Variants in HECW1 observed in about 807,000 individuals in gnomAD.
The protein encoded by HECW1 is HECT, C2 and WW domain containing E3 ubiquitin protein ligase 1.
In HECW1, 61 loss-of-function variants were observed where a neutral mutation model predicts 182.3. The ratio of observed to expected loss-of-function variants is 0.33; its 90% CI spans 0.27 to 0.41. The LOEUF (loss-of-function observed/expected upper bound fraction) is 0.41, where lower values mean the gene tolerates loss of function less well. Ranked by LOEUF, HECW1 falls within the 10% of genes least tolerant of loss-of-function variation. HECW1 has a pLI of 1.00. For missense variants in HECW1, 1,739 were observed against 2,108.9 expected (o/e 0.82, Z 3.44); for synonymous variants, 859 against 832.6 (o/e 1.03, Z -0.55).
chr7:43,454,943 T>C (rs1033312685), intron 12 of HECW1, among the ~76,000 whole-genome samples: 4 of 152,232 alleles, frequency 2.6e-5, no homozygotes, highest in African/African-American at 7.2e-5. Flanking sequence ...ACACTGCTGC[T>C]GTTTCCACAA....
At chr7:43,518,985 C>T (rs1448250081) in intron 24 of HECW1, among the ~76,000 whole-genome samples, 1 of 152,156 alleles carries the variant, frequency 6.6e-6, no homozygotes, top group East Asian at 1.9e-4. Context: ...TTTAAAACCC[C>T]TATACCCTTT....
intron 3 of HECW1, among the ~76,000 whole-genome samples, chr7:43,304,611 C>T (rs1807307679): frequency 6.6e-6 from 1 of 152,118 alleles, no homozygotes; most frequent in Admixed American, 6.5e-5. Context: ...CTGATTCAGC[C>T]TCCTGGGATA....
chr7:43,379,432 A>T (rs1397546199), intron 6 of HECW1, among the ~76,000 whole-genome samples: 3 of 152,122 alleles, frequency 2.0e-5, no homozygotes, highest in Non-Finnish European at 2.9e-5. Flanking sequence ...TCTTGTCTTT[A>T]TGCAGCCTTG....
chr7:43,279,059 G>A (rs1460766689), intron 3 of HECW1, among the ~76,000 whole-genome samples: 1 of 152,168 alleles, frequency 6.6e-6, no homozygotes, highest in Non-Finnish European at 1.5e-5. Context: ...GTGATTGAGA[G>A]CAAGGACAGT....
chr7:43,304,057 C>G (rs115131637), intron 3 of HECW1, among the ~76,000 whole-genome samples: 1 of 152,112 alleles, frequency 6.6e-6, no homozygotes, highest in Non-Finnish European at 1.5e-5. Flanking sequence ...CCTTAACAGT[C>G]GTGACTCAGA....
intron 2 of HECW1, among the ~76,000 whole-genome samples, chr7:43,141,451 A>AGAGTGT (rs1788144209): frequency 6.6e-6 from 1 of 152,084 alleles, no homozygotes; most frequent in Admixed American, 6.6e-5. Context: ...AATGTAGCCA[A>AGAGTGT]GAGTGTTGAC....
chr7:43,149,429 A>C (rs1000306221), intron 2 of HECW1, among the ~76,000 whole-genome samples: 1 of 152,240 alleles, frequency 6.6e-6, no homozygotes, highest in Non-Finnish European at 1.5e-5. Context: ...TGAAATGTCC[A>C]CATCCTGAGA....
intron 3 of HECW1, among the ~76,000 whole-genome samples, chr7:43,295,382 C>T (rs1362307721): frequency 6.6e-6 from 1 of 152,154 alleles, no homozygotes; most frequent in Admixed American, 6.5e-5. Context: ...CAAGACAATT[C>T]CCAGCATGAA....
rs188470231 is a variant in HECW1 at position 43,261,963 on chromosome 7, G to T, written c.27+18031G>T. 6.7e-4 allele frequency among the ~76,000 whole-genome samples: 102 copies of T among 152,176 alleles called. 3 individuals are homozygous for T. The East Asian group carries it at 0.019, about 29-fold the overall frequency. ...TGGTCCAGTGCAGTGGTTTATGCCTGTAATCCCAGCTCTGTGTGAAGCCAA... is the reference window on the plus strand; with the variant it reads ...TGGTCCAGTGCAGTGGTTTATGCCTTTAATCCCAGCTCTGTGTGAAGCCAA... On this transcript the variant is annotated intron_variant, in intron 3 of 29. Coordinates refer to ENST00000395891, the MANE Select transcript of HECW1 (RefSeq NM_015052.5).
At chr7:43,206,050 G>A (rs182964976) in intron 2 of HECW1, among the ~76,000 whole-genome samples, 15 of 152,256 alleles carry the variant, frequency 9.9e-5, no homozygotes, top group South Asian at 6.2e-4. Context: ...ATTGTCTGGC[G>A]CTATAGGCTG....
chr7:43,258,564 C>T (rs375890360), intron 3 of HECW1: 1 of 152,116 alleles, frequency 6.6e-6, no homozygotes, highest in South Asian at 2.1e-4. Flanking sequence ...GTCTCCAAAA[C>T]TGGATTAAGC....
rs780872009 is a variant in HECW1 at position 43,442,569 on chromosome 7, A to T, written c.985A>T (p.Thr329Ser). 2 of 1,614,028 alleles carry T rather than the reference A, an allele frequency of 1.2e-6. No homozygotes were observed. The highest frequency in any genetic ancestry group is 2.7e-5 in the African/African-American group (2 of 75,050). ...VSYTLGRRLP[T>S]DHVSGQLQFR... ...CTACACACTTGGCCGCAGGCTTCCA[A>T]CAGATCATGTGAGTGGACAGCTGCA... Residue 329 changes from threonine to serine, a missense_variant, in exon 10 of 30, where the codon ACA becomes TCA. Transcript: ENST00000395891.
intron 8 of HECW1, among the ~76,000 whole-genome samples, chr7:43,414,648 G>T (rs2075926156): frequency 6.6e-6 from 1 of 150,918 alleles, no homozygotes; most frequent in South Asian, 2.1e-4. Flanking sequence ...CTAATTTATT[G>T]AGAGTTTTTA....
Position 43,554,703 on chromosome 7 carries a change from C to A in HECW1, c.4622C>A (p.Pro1541His), listed in dbSNP as rs1189502951. 1 of 1,614,144 alleles carries A rather than the reference C, an allele frequency of 6.2e-7. No homozygotes were observed. The highest frequency in any genetic ancestry group is 1.7e-5 in the Admixed American group (1 of 60,020). The change falls in exon 29 of 30, where the codon CCC becomes CAC. Residue 1541 changes from proline (P) to histidine (H), a missense_variant. Transcript: ENST00000395891. ...LQFVTGTSSV[P>H]YEGFAALRGS... ...TTTGTCACGGGAACATCCAGCGTGC[C>A]CTACGAAGGCTTCGCAGCCCTCCGT...
intron 2 of HECW1, among the ~76,000 whole-genome samples, chr7:43,145,856 G>C (rs1192757588): frequency 6.6e-6 from 1 of 152,134 alleles, no homozygotes; most frequent in African/African-American, 2.4e-5. Flanking sequence ...TAATAACAGA[G>C]TGGAAGTTGA....
intron 7 of HECW1, among the ~76,000 whole-genome samples, chr7:43,400,389 A>G (rs1480680728): frequency 6.6e-6 from 1 of 152,244 alleles, no homozygotes; most frequent in African/African-American, 2.4e-5. Flanking sequence ...AACCAGTTGG[A>G]CAACCAAACT....
At position 43,190,086 on chromosome 7, in the gene HECW1, TTTG is replaced by T. The variant is rs71008894; in HGVS notation, c.-31-53771_-31-53769del. Among the ~76,000 whole-genome samples, 8 of 151,726 alleles carry T rather than the reference TTTG, an allele frequency of 5.3e-5. No individual in the cohort carries two copies. In the East Asian group the frequency reaches 1.2e-3, roughly 22 times the overall value. ...ACCCCTGGTCACAGCTGTGGAAATTTTTGTTGTTGTTGTTGTTGTTTGTTTGCT... is the reference window on the plus strand; with the variant it reads ...ACCCCTGGTCACAGCTGTGGAAATTTTTGTTGTTGTTGTTGTTTGTTTGCT... On this transcript the variant is annotated intron_variant, in intron 2 of 29. Coordinates refer to ENST00000395891, the MANE Select transcript of HECW1 (RefSeq NM_015052.5).
intron 6 of HECW1, among the ~76,000 whole-genome samples, chr7:43,379,145 C>A (rs1448872984): frequency 6.6e-6 from 1 of 152,190 alleles, no homozygotes. Flanking sequence ...TACTTGCATG[C>A]AGGCAGCATA....
At chr7:43,302,602 CG>C (rs1199565570) in intron 3 of HECW1, among the ~76,000 whole-genome samples, 3 of 152,184 alleles carry the variant, frequency 2.0e-5, no homozygotes, top group African/African-American at 7.2e-5. Context: ...CACAAATGCC[CG>C]GTACGGGGCC....
Sources: allele counts gnomAD v4.1 joint callset (sites outside exome capture counted in the v4.1 genomes callset), GRCh38; gene constraint gnomAD v4.1.1; transcripts MANE v1.5; gene names NCBI Gene and HGNC (gene_info 2026-07-23, HGNC 2026-07-21).